Variants in SPIDR observed in about 807,000 individuals in gnomAD.
SPIDR encodes DNA repair-scaffolding protein.
A neutral mutation model predicts 104.6 loss-of-function variants in SPIDR; 93 were observed. The ratio of observed to expected loss-of-function variants is 0.89; its 90% CI spans 0.75 to 1.06. SPIDR has a LOEUF of 1.06. SPIDR is among the 50% of genes least tolerant of loss of function. The probability of loss-of-function intolerance (pLI) is 0.00; values close to 1 mark genes in which losing one functional copy is unlikely to be tolerated. For synonymous variants in SPIDR, 431 were observed against 416.9 expected (o/e 1.03, Z -0.41); for missense variants, 1,154 against 1,111.2 (o/e 1.04, Z -0.55).
chr8:47,682,136 C>T (rs746503420), intron 11 of SPIDR, among the ~76,000 whole-genome samples: 11 of 150,726 alleles, frequency 7.3e-5, no homozygotes, highest in Non-Finnish European at 1.3e-4. Context: ...AGGAAGGAAA[C>T]ATCTTTAAGA....
chr8:47,410,299 AC>A (rs1422264532), intron 7 of SPIDR, among the ~76,000 whole-genome samples: 58 of 151,152 alleles, frequency 3.8e-4, no homozygotes, highest in Admixed American at 1.1e-3. Context: ...CTCCTCCTCA[AC>A]CCCCGGAGTA....
At chr8:47,484,372 A>C (rs1192986844) in intron 8 of SPIDR, among the ~76,000 whole-genome samples, 1 of 152,236 alleles carries the variant, frequency 6.6e-6, no homozygotes, top group African/African-American at 2.4e-5. Flanking sequence ...AAAGCCTAAC[A>C]AGGTGGGCCA....
intron 8 of SPIDR, among the ~76,000 whole-genome samples, chr8:47,549,794 C>T (rs2154396567): frequency 6.6e-6 from 1 of 152,286 alleles, no homozygotes; most frequent in Non-Finnish European, 1.5e-5. Flanking sequence ...TCAATTTTGG[C>T]TTTCGTTGCC....
intron 10 of SPIDR, among the ~76,000 whole-genome samples, chr8:47,672,144 A>G (rs2075884728): frequency 6.6e-6 from 1 of 152,158 alleles, no homozygotes; most frequent in Admixed American, 6.5e-5. Context: ...AATTTTTCCT[A>G]GAGACAAGAT....
intron 5 of SPIDR, among the ~76,000 whole-genome samples, chr8:47,313,956 A>G (rs937873671): frequency 1.3e-5 from 2 of 152,256 alleles, no homozygotes; most frequent in Non-Finnish European, 2.9e-5. Context: ...TTCAAGCTGA[A>G]GGAAAGTGTT....
At chr8:47,416,878 TG>T (rs2064407953) in intron 7 of SPIDR, among the ~76,000 whole-genome samples, 1 of 147,854 alleles carries the variant, frequency 6.8e-6, no homozygotes, top group South Asian at 2.1e-4. Context: ...ACGCGGTGTT[TG>T]GTTTTTTGTC....
intron 5 of SPIDR, among the ~76,000 whole-genome samples, chr8:47,333,272 A>G (rs1304793022): frequency 6.6e-6 from 1 of 152,098 alleles, no homozygotes; most frequent in Non-Finnish European, 1.5e-5. Flanking sequence ...TTAACTTAAG[A>G]AAAATAAGTG....
intron 5 of SPIDR, among the ~76,000 whole-genome samples, chr8:47,392,489 CAT>C (rs1554652907): frequency 6.6e-6 from 1 of 152,220 alleles, no homozygotes; most frequent in East Asian, 1.9e-4. Flanking sequence ...TAGCAGCTAA[CAT>C]AGCATGTGGG....
At chr8:47,656,403 T>TC (rs2072821517) in intron 10 of SPIDR, among the ~76,000 whole-genome samples, 2 of 152,254 alleles carry the variant, frequency 1.3e-5, no homozygotes, top group South Asian at 4.1e-4. Context: ...AGTAAGCACA[T>TC]GATGATCAAC....
At chr8:47,564,501 G>GA (rs1405091660) in intron 8 of SPIDR, among the ~76,000 whole-genome samples, 1 of 152,126 alleles carries the variant, frequency 6.6e-6, no homozygotes, top group Non-Finnish European at 1.5e-5. Flanking sequence ...CTAACATGGT[G>GA]AAACCCTGTC....
intron 5 of SPIDR, among the ~76,000 whole-genome samples, chr8:47,352,279 A>C (rs75131148): frequency 2.8e-5 from 1 of 35,294 alleles, no homozygotes; most frequent in African/African-American, 3.9e-5. Flanking sequence ...CCATCTCAAC[A>C]AAAAAAAAAA....
Position 47,513,970 on chromosome 8 carries a change from G to A in SPIDR, c.1097+73428G>A, listed in dbSNP as rs377255593. On this transcript the variant is annotated intron_variant, in intron 8 of 19. Coordinates refer to ENST00000297423, the MANE Select transcript of SPIDR (RefSeq NM_001080394.4). ...GGTGAACCATGTGCCTTCTTGGGCTGTGGTTGGTGACTCACCATGGGTTCT... is the reference window on the plus strand; with the variant it reads ...GGTGAACCATGTGCCTTCTTGGGCTATGGTTGGTGACTCACCATGGGTTCT... Among the ~76,000 whole-genome samples, 24 of 152,280 alleles carry A rather than the reference G, an allele frequency of 1.6e-4. No individual in the cohort carries two copies. In the South Asian group the frequency reaches 5.0e-3, roughly 32 times the overall value.
At chr8:47,395,628 A>G (rs1554657854) in intron 5 of SPIDR, among the ~76,000 whole-genome samples, 1 of 152,208 alleles carries the variant, frequency 6.6e-6, no homozygotes, top group African/African-American at 2.4e-5. Context: ...AAAACATCAG[A>G]AAAGGTTTTG....
chr8:47,424,774 T>A (rs2066150653), intron 7 of SPIDR, among the ~76,000 whole-genome samples: 1 of 152,216 alleles, frequency 6.6e-6, no homozygotes, highest in South Asian at 2.1e-4. Context: ...CTTGCTCTGT[T>A]GTGCAGGCTG....
At chr8:47,680,827 G>A (rs1015557464) in intron 11 of SPIDR, among the ~76,000 whole-genome samples, 1 of 152,220 alleles carries the variant, frequency 6.6e-6, no homozygotes, top group Non-Finnish European at 1.5e-5. Flanking sequence ...AGAGTGCTGG[G>A]CTGGGCTCAA....
intron 5 of SPIDR, among the ~76,000 whole-genome samples, chr8:47,308,854 C>G (rs1172806337): frequency 2.0e-5 from 3 of 152,240 alleles, no homozygotes; most frequent in Non-Finnish European, 4.4e-5. Context: ...AACTGCCTGC[C>G]TTGGGGCTGA....
chr8:47,711,237 G>A (rs2081843014), intron 14 of SPIDR, among the ~76,000 whole-genome samples: 1 of 152,128 alleles, frequency 6.6e-6, no homozygotes, highest in Non-Finnish European at 1.5e-5. Context: ...ACAGTAAGAT[G>A]CGTCAAACTC....
intron 10 of SPIDR, among the ~76,000 whole-genome samples, chr8:47,650,261 G>C (rs925878844): frequency 6.6e-6 from 1 of 152,138 alleles, no homozygotes; most frequent in Non-Finnish European, 1.5e-5. Flanking sequence ...CAGAGTCTTA[G>C]AGTACAAAAT....
chr8:47,579,038 T>C (rs889430894), intron 8 of SPIDR, among the ~76,000 whole-genome samples: 10 of 152,228 alleles, frequency 6.6e-5, no homozygotes, highest in Non-Finnish European at 2.9e-5. Context: ...TTCTAAGACT[T>C]GTATTTTTAA....
Sources: gnomAD v4.1 joint callset for allele counts (sites outside exome capture counted in the v4.1 genomes callset) on GRCh38, gnomAD v4.1.1 for gene constraint, MANE v1.5 for transcripts, NCBI Gene and HGNC (gene_info 2026-07-23, HGNC 2026-07-21) for gene names.